ITGA6: variants seen among roughly 807,000 people sequenced by gnomAD.
ITGA6 encodes integrin alpha-6.
In ITGA6, 63 loss-of-function variants were observed where a neutral mutation model predicts 133.6. The observed-to-expected ratio is 0.47, with a 90% CI of 0.38 to 0.58. The LOEUF (loss-of-function observed/expected upper bound fraction) is 0.58. Among genes scored for constraint, ITGA6 ranks in the 20% least tolerant of loss-of-function variants. The probability of loss-of-function intolerance (pLI) is 0.00; values close to 1 mark genes in which losing one functional copy is unlikely to be tolerated. For synonymous variants in ITGA6, 434 were observed against 482.0 expected, an observed-to-expected ratio of 0.90 and a Z score of 1.30; for missense variants, 1,068 against 1,309.4, an observed-to-expected ratio of 0.82 and a Z score of 2.85.
At chr2:172,488,531 A>G (rs1686787645) in intron 19 of ITGA6, among the ~76,000 whole-genome samples, 2 of 152,170 alleles carry the variant, frequency 1.3e-5, no homozygotes, top group African/African-American at 4.8e-5. Flanking sequence ...ATATTAATGT[A>G]TGCCTACCTT....
chr2:172,497,905 G>T (rs1687193974), intron 23 of ITGA6, 70 bp from the exon 24 acceptor site: 11 of 1,565,538 alleles, frequency 7.0e-6, no homozygotes, highest in Non-Finnish European at 9.7e-6. Context: ...AGCAGAATTA[G>T]AACCATAAAC....
intron 1 of ITGA6, among the ~76,000 whole-genome samples, chr2:172,457,757 G>T (rs534478840): frequency 1.3e-4 from 19 of 151,804 alleles, no homozygotes; most frequent in Admixed American, 3.9e-4. Context: ...CCTTCAAACT[G>T]GGGGGGAAGC....
intron 11 of ITGA6, among the ~76,000 whole-genome samples, chr2:172,480,506 C>A (rs1181472916): frequency 6.6e-6 from 1 of 152,118 alleles, no homozygotes; most frequent in East Asian, 1.9e-4. Flanking sequence ...CCACGCCCCT[C>A]CCTCCCGGAA....
At chr2:172,443,850 C>T (rs1684640297) in intron 1 of ITGA6, among the ~76,000 whole-genome samples, 1 of 152,232 alleles carries the variant, frequency 6.6e-6, no homozygotes, top group South Asian at 2.1e-4. Flanking sequence ...TCACGGGTTA[C>T]TGCAGCCTCA....
intron 1 of ITGA6, among the ~76,000 whole-genome samples, chr2:172,444,478 G>A (rs1172315423): frequency 6.6e-6 from 1 of 152,122 alleles, no homozygotes; most frequent in Non-Finnish European, 1.5e-5. Flanking sequence ...GTGTTTTTGA[G>A]TGCCTGCCAA....
intron 8 of ITGA6, 79 bp downstream of exon 8, chr2:172,475,764 T>C: frequency 2.4e-6 from 2 of 818,618 alleles, no homozygotes; most frequent in Non-Finnish European, 4.3e-6. Flanking sequence ...TTAAGTGACT[T>C]TTCACACAAA....
At chr2:172,489,851 T>C (rs1686847394) in intron 20 of ITGA6, 193 bp downstream of exon 20, 4 of 574,850 alleles carry the variant, frequency 7.0e-6, no homozygotes, top group East Asian at 6.1e-5. Context: ...TAATGACCAT[T>C]ATAGTACATA....
At chr2:172,481,794 G>T (rs11897024) in intron 11 of ITGA6, among the ~76,000 whole-genome samples, 21,470 of 152,202 alleles carry the variant, frequency 0.14, 1,662 homozygotes, top group South Asian at 0.17. Context: ...GTCGAGTGTA[G>T]AAAGCAATTC....
chr2:172,447,401 T>C (rs918039019), intron 1 of ITGA6, among the ~76,000 whole-genome samples: 2 of 151,882 alleles, frequency 1.3e-5, no homozygotes, highest in Admixed American at 6.6e-5. Context: ...GACGAGGTTT[T>C]ACCATGTTGA....
At chr2:172,428,018 G>T in intron 1 of ITGA6, 48 bp downstream of exon 1, 1 of 1,564,586 alleles carries the variant, frequency 6.4e-7, no homozygotes, top group Admixed American at 1.8e-5. Context: ...CGGCCTGCGC[G>T]CGAGTTGAGG....
At position 172,469,223 on chromosome 2, in the gene ITGA6, G is replaced by T. The variant is rs1170678945; in HGVS notation, c.486G>T (p.Arg162Ser). 11 of 1,614,058 alleles carry T rather than the reference G, an allele frequency of 6.8e-6. No homozygotes were observed. Among genetic ancestry groups the T allele is most frequent in the Admixed American group, 5.0e-5 (3 of 60,002 alleles). The change falls in exon 4 of 26, where the codon AGG becomes AGT. Residue 162 changes from arginine to serine, a missense_variant. Arg to Ser is a moderately radical substitution (Grantham distance 110, BLOSUM62 -1). Coordinates refer to ENST00000684293, the MANE Select transcript of ITGA6 (RefSeq NM_000210.4). Reference sequence around the variant, plus strand: ...GTTATGTCCTGAGTCAGAATCTCAGGATTGAAGACGATATGGATGGGGGAG... The same window carrying T: ...GTTATGTCCTGAGTCAGAATCTCAGTATTGAAGACGATATGGATGGGGGAG... ...GRCYVLSQNL[R>S]IEDDMDGGDW...
chr2:172,480,661 C>A (rs935928173), intron 11 of ITGA6, among the ~76,000 whole-genome samples: 1 of 152,182 alleles, frequency 6.6e-6, no homozygotes, highest in Admixed American at 6.5e-5. Flanking sequence ...AGTTTGCTTT[C>A]CTGTCCGTTC....
chr2:172,428,700 G>C (rs1003968549), intron 1 of ITGA6: 3 of 152,212 alleles, frequency 2.0e-5, no homozygotes, highest in Non-Finnish European at 4.4e-5. Context: ...CGTTGGGCGG[G>C]CACAGCCAAG....
At chr2:172,493,974 T>A (rs1669570900) in intron 23 of ITGA6, among the ~76,000 whole-genome samples, 1 of 152,178 alleles carries the variant, frequency 6.6e-6, no homozygotes, top group Non-Finnish European at 1.5e-5. Flanking sequence ...ATTGGTAGAT[T>A]TGTGAATGGG....
chr2:172,462,607 C>A (rs1685476070), intron 1 of ITGA6, among the ~76,000 whole-genome samples: 1 of 152,192 alleles, frequency 6.6e-6, no homozygotes. Context: ...AACCAGCCAA[C>A]AAATTCGAGT....
intron 19 of ITGA6, among the ~76,000 whole-genome samples, chr2:172,489,166 C>G (rs1490704389): frequency 1.3e-5 from 2 of 152,202 alleles, no homozygotes; most frequent in Non-Finnish European, 2.9e-5. Flanking sequence ...CAGGGCAGTT[C>G]ACAAATTCAC....
At chr2:172,427,573 G>A, upstream of ITGA6, 1 of 1,233,408 alleles carries the variant, frequency 8.1e-7, no homozygotes, top group Non-Finnish European at 1.0e-6. Flanking sequence ...ACGCCTGCGA[G>A]TCTCCAGAGA....
At chr2:172,462,352 T>C (rs986773217) in intron 1 of ITGA6, among the ~76,000 whole-genome samples, 5 of 152,172 alleles carry the variant, frequency 3.3e-5, no homozygotes, top group Admixed American at 6.5e-5. Flanking sequence ...GCCAGGACCA[T>C]GTGCAGGCTG....
chr2:172,486,743 G>C (rs1420182505), intron 13 of ITGA6, among the ~76,000 whole-genome samples: 1 of 152,184 alleles, frequency 6.6e-6, no homozygotes, highest in African/African-American at 2.4e-5. Context: ...AGCTAAGTAA[G>C]GGGTAGAGCT....
Sources: gnomAD v4.1 joint callset for allele counts (sites outside exome capture counted in the v4.1 genomes callset) on GRCh38, gnomAD v4.1.1 for gene constraint, MANE v1.5 for transcripts, NCBI Gene and HGNC (gene_info 2026-07-23, HGNC 2026-07-21) for gene names.